RBBP4: variants seen among roughly 807,000 people sequenced by gnomAD.
RBBP4 encodes histone-binding protein RBBP4.
A neutral mutation model predicts 57.2 loss-of-function variants in RBBP4; 3 were observed. The ratio of observed to expected loss-of-function variants is 0.05; its 90% CI spans 0.02 to 0.14. The LOEUF (loss-of-function observed/expected upper bound fraction) is 0.14, where lower values mean the gene tolerates loss of function less well. Ranked by LOEUF, RBBP4 falls within the 10% of genes least tolerant of loss-of-function variation. RBBP4 has a pLI of 1.00. For synonymous variants in RBBP4, 151 were observed against 171.5 expected (o/e 0.88, Z 0.93); for missense variants, 107 against 520.6 (o/e 0.21, Z 7.73).
rs1570896062 is a variant in RBBP4 at position 32,684,861 on chromosome 1, A to C, written c.*5156A>C. The C allele has an allele frequency of 6.5e-6, 1 of 153,696 alleles. No individual in the cohort carries two copies. The highest frequency in any genetic ancestry group is 1.4e-5 in the Non-Finnish European group (1 of 69,010). The allele number at this position is 153,696 out of a possible 1,614,324, so 9.5% of individuals were successfully genotyped here. ...AGAGTTACACAACTAGTGGAAGTCC[A>C]TGTTTAGAAAATAAATGGCTTGTTT... On this transcript the variant is annotated 3_prime_UTR_variant, in exon 12 of 12. Coordinates refer to ENST00000373493, the MANE Select transcript of RBBP4 (RefSeq NM_005610.3).
rs1272927529 is a variant in RBBP4, at chr1:32,669,923, T to G, written c.966+360T>G. ...AAGAAAAAAGAAAAACCTGGATGTA[T>G]GAGTGGGCACACATGTGCTTTATGC... is the stretch of plus-strand genomic sequence containing the variant. On this transcript the variant is annotated intron_variant, in intron 8 of 11. Coordinates refer to ENST00000373493, the MANE Select transcript of RBBP4 (RefSeq NM_005610.3). This position sits in a 1 kb window ranked among gnomAD's most constrained non-coding sequence, Gnocchi z 4.9. 6.6e-6 allele frequency among the ~76,000 whole-genome samples: 1 copy of G among 152,148 alleles called. No individual in the cohort carries two copies.
rs1649605096 is a variant in RBBP4, at chr1:32,683,689, T to A, written c.*3984T>A. ...CACTCTGTTGTACAAGCTGGAGTGC[T>A]GTATTGTGATCTTGACTCACTGCAA... On this transcript the variant is annotated 3_prime_UTR_variant, in exon 12 of 12. Transcript: ENST00000373493. 1 of 253,090 alleles carries A rather than the reference T, an allele frequency of 4.0e-6. No individual in the cohort carries two copies. Among genetic ancestry groups the A allele is most frequent in the Non-Finnish European group, 7.7e-6 (1 of 129,164 alleles). The allele number at this position is 253,090 out of a possible 1,614,324, so 15.7% of individuals were successfully genotyped here.
chr1:32,664,568 T>C (rs575144892), intron 3 of RBBP4, among the ~76,000 whole-genome samples: 2 of 152,100 alleles, frequency 1.3e-5, no homozygotes, highest in African/African-American at 4.8e-5. Context: ...TTCTCTTGCC[T>C]CAGTCTCCTG....
At chr1:32,666,212 G>A (rs1648639926) in intron 3 of RBBP4, among the ~76,000 whole-genome samples, 1 of 152,118 alleles carries the variant, frequency 6.6e-6, no homozygotes, top group Admixed American at 6.6e-5. Flanking sequence ...TGGTATTTCA[G>A]AACATTCATC....
Position 32,681,681 on chromosome 1 carries a change from A to G in RBBP4, c.*1976A>G, listed in dbSNP as rs1649445741. ...ACATGTTCTGCCTCCGGCCAACTCT[A>G]GAATCTTTTTAAGCAGGTCAGCCAG... is the stretch of plus-strand genomic sequence containing the variant. On this transcript the variant is annotated 3_prime_UTR_variant, in exon 12 of 12. Coordinates refer to ENST00000373493, the MANE Select transcript of RBBP4 (RefSeq NM_005610.3). 7.0e-6 allele frequency: 7 copies of G among 998,118 alleles called. No individual in the cohort carries two copies. The highest frequency in any genetic ancestry group is 1.1e-5 in the Non-Finnish European group (7 of 653,684). The allele number at this position is 998,118 out of a possible 1,614,324, so 61.8% of individuals were successfully genotyped here.
intron 11 of RBBP4, among the ~76,000 whole-genome samples, chr1:32,675,413 CT>C (rs940262250): frequency 3.3e-5 from 5 of 151,330 alleles, no homozygotes; most frequent in Non-Finnish European, 7.4e-5. Flanking sequence ...TACATCCATA[CT>C]TTTTTTTTCT....
In RBBP4 at chr1:32,684,397, C is replaced by T; in HGVS notation, c.*4692C>T. 6.2e-7 allele frequency: 1 copy of T among 1,614,052 alleles called. No homozygotes were observed. Among genetic ancestry groups the T allele is most frequent in the Non-Finnish European group, 8.5e-7 (1 of 1,180,012 alleles). On this transcript the variant is annotated 3_prime_UTR_variant, in exon 12 of 12. Transcript: ENST00000373493. ...TCCAGCTGTTCCTGCATGAGATGGC[C>T]AAGAACATTTCTAATGAGCCAAACA...
chr1:32,668,898 A>G, intron 5 of RBBP4, 44 bp downstream of exon 5: 1 of 1,612,270 alleles, frequency 6.2e-7, no homozygotes, highest in African/African-American at 1.3e-5. Flanking sequence ...GCTAGTTACC[A>G]GTTGGTTTCT....
Position 32,682,044 on chromosome 1 carries a change from G to C in RBBP4, c.*2339G>C. The C allele has an allele frequency of 6.8e-6, 4 of 584,242 alleles. No individual in the cohort carries two copies. Among genetic ancestry groups the C allele is most frequent in the Non-Finnish European group, 1.2e-5 (4 of 328,174 alleles). 36.2% of individuals were successfully genotyped at this position (584,242 alleles called of 1,614,324 possible). ...AATGGTGATGGTGATGGGAGGGATA[G>C]TTAAACGTTTTCTCTGCTAGGTTAA... On this transcript the variant is annotated 3_prime_UTR_variant, in exon 12 of 12. Transcript: ENST00000373493.
At chr1:32,657,639 A>G (rs1416821250) in intron 3 of RBBP4, 67 bp downstream of exon 3, 4 of 1,510,474 alleles carry the variant, frequency 2.6e-6, no homozygotes. Flanking sequence ...ACTTTGATAA[A>G]GTAAACTCTG....
At chr1:32,673,612 G>A (rs536502043) in intron 11 of RBBP4, 254 of 277,252 alleles carry the variant, frequency 9.2e-4, no homozygotes, top group African/African-American at 5.6e-3. Context: ...TAATTTTTTT[G>A]TATTTTCAGT....
At chr1:32,664,117 A>G (rs1226840559) in intron 3 of RBBP4, among the ~76,000 whole-genome samples, 4 of 151,698 alleles carry the variant, frequency 2.6e-5, no homozygotes, top group Non-Finnish European at 5.9e-5. Flanking sequence ...TTTATTAGAG[A>G]CGGGGTTTTA....
At chr1:32,670,900 C>CT (rs1475846125) in intron 8 of RBBP4, among the ~76,000 whole-genome samples, 1 of 152,204 alleles carries the variant, frequency 6.6e-6, no homozygotes, top group African/African-American at 2.4e-5. Flanking sequence ...TACTTAGTCT[C>CT]TTATTTTCTA....
intron 8 of RBBP4, among the ~76,000 whole-genome samples, chr1:32,672,237 G>T (rs149257305): frequency 6.6e-6 from 1 of 151,928 alleles, no homozygotes; most frequent in African/African-American, 2.4e-5. Context: ...TGATCCACCC[G>T]CCTCCCAAAG....
chr1:32,658,443 A>G (rs1312275381), intron 3 of RBBP4, among the ~76,000 whole-genome samples: 1 of 151,288 alleles, frequency 6.6e-6, no homozygotes, highest in Non-Finnish European at 1.5e-5. Flanking sequence ...TAACCATGGC[A>G]CTCTCTATGT....
chr1:32,672,322 C>T (rs539449816), intron 8 of RBBP4, 128 bp from the exon 9 acceptor site: 13 of 723,462 alleles, frequency 1.8e-5, no homozygotes, highest in African/African-American at 3.6e-5. Flanking sequence ...TTAACTGTAA[C>T]GTGTATAATA....
intron 3 of RBBP4, among the ~76,000 whole-genome samples, chr1:32,657,945 C>T (rs949886392): frequency 3.9e-5 from 6 of 152,110 alleles, no homozygotes; most frequent in Admixed American, 1.3e-4. Flanking sequence ...CTCCGCCTCC[C>T]GGGTTCAAGC....
intron 3 of RBBP4, 31 bp downstream of exon 3, chr1:32,657,603 A>T (rs777647179): frequency 1.2e-6 from 2 of 1,608,186 alleles, no homozygotes; most frequent in South Asian, 1.1e-5. Flanking sequence ...AGAAGTAAAG[A>T]TGTGTGGGTC....
chr1:32,666,781 A>G (rs1570854811), intron 3 of RBBP4, among the ~76,000 whole-genome samples: 1 of 152,252 alleles, frequency 6.6e-6, no homozygotes, highest in East Asian at 1.9e-4. Flanking sequence ...AAGAATAGTT[A>G]AAATACAAAG....
Sources: allele counts gnomAD v4.1 joint callset (sites outside exome capture counted in the v4.1 genomes callset), GRCh38; gene constraint gnomAD v4.1.1; non-coding constraint Gnocchi (gnomAD v3.1); transcripts MANE v1.5; gene names NCBI Gene and HGNC (gene_info 2026-07-23, HGNC 2026-07-21).